MTR: variants seen among roughly 807,000 people sequenced by gnomAD.
MTR encodes 5-methyltetrahydrofolate-homocysteine methyltransferase, also known as methionine synthase.
A neutral mutation model predicts 154.8 loss-of-function variants in MTR; 84 were observed. The observed-to-expected ratio is 0.54, with a 90% CI of 0.45 to 0.65. The LOEUF is 0.65. MTR is among the 30% of genes least tolerant of loss of function. The pLI is 0.00. For synonymous variants in MTR, 554 were observed against 553.9 expected (o/e 1.00, Z 0.00); for missense variants, 1,275 against 1,570.2 (o/e 0.81, Z 3.18).
chr1:236,808,648 T>C, intron 3 of MTR, 56 bp from the exon 4 acceptor site: 1 of 1,511,802 alleles, frequency 6.6e-7, no homozygotes, highest in Non-Finnish European at 9.2e-7. Context: ...ATGAATCCAT[T>C]ATTTATTGTG....
At chr1:236,862,544 T>A (rs1664603636) in intron 21 of MTR, among the ~76,000 whole-genome samples, 1 of 152,214 alleles carries the variant, frequency 6.6e-6, no homozygotes, top group South Asian at 2.1e-4. Context: ...TATAACATTT[T>A]TAATATAGAT....
At chr1:236,860,983 C>T in intron 19 of MTR, 142 bp from the exon 20 acceptor site, 3 of 671,478 alleles carry the variant, frequency 4.5e-6, no homozygotes, top group Non-Finnish European at 2.5e-6. Context: ...GATAGGAAGC[C>T]AGATTGAGTC....
At chr1:236,896,751 GGAGTGTA>G in intron 31 of MTR, among the ~76,000 whole-genome samples, 1 of 152,246 alleles carries the variant, frequency 6.6e-6, no homozygotes, top group South Asian at 2.1e-4. Flanking sequence ...GCTGGAGGTG[GGAGTGTA>G]GAGTCTTTCC....
intron 16 of MTR, among the ~76,000 whole-genome samples, chr1:236,850,724 C>T (rs1663848312): frequency 1.3e-5 from 2 of 152,062 alleles, no homozygotes; most frequent in Non-Finnish European, 2.9e-5. Context: ...GACTGGAGAA[C>T]ATAACAGAGC....
intron 22 of MTR, 128 bp downstream of exon 22, chr1:236,863,682 CT>C: frequency 1.2e-6 from 1 of 840,762 alleles, no homozygotes; most frequent in Non-Finnish European, 2.0e-6. Context: ...TTTTTTATTT[CT>C]TTTTGCTTGC....
In MTR at chr1:236,897,308, A is replaced by ACG. The variant is rs1553331060; in HGVS notation, c.3711+192_3711+193dup. Among the ~76,000 whole-genome samples the ACG allele has an allele frequency of 1.0e-2, 1,309 of 131,532 alleles. 20 individuals carry two copies. The highest frequency in any genetic ancestry group is 0.034 in the African/African-American group (1,143 of 33,658). 86.3% of individuals were successfully genotyped at this position (131,532 alleles called of 152,430 possible). A position where few individuals can be genotyped will look rare whatever the true frequency, so the allele number is the denominator to read the frequency against. On this transcript the variant is annotated intron_variant, in intron 32 of 32. Transcript: ENST00000366577. ...TCACTTCTACATGCAAGCCACACAC[A>ACG]CGCACACACACACACACACACACAC...
At chr1:236,809,596 A>G (rs532139243) in intron 4 of MTR, among the ~76,000 whole-genome samples, 72 of 152,364 alleles carry the variant, frequency 4.7e-4, no homozygotes, top group African/African-American at 1.7e-3. Context: ...AGGTCAGAGG[A>G]CACTGAACCA....
Position 236,891,979 on chromosome 1 carries a change from C to T in MTR, c.3204+650C>T, listed in dbSNP as rs551756979. On this transcript the variant is annotated intron_variant, in intron 29 of 32. Coordinates refer to ENST00000366577, the MANE Select transcript of MTR (RefSeq NM_000254.3). ...TGCTGGCTTTTTTTCTTTCGAGTGA[C>T]GAGAACAGACTCTTCTCAGCAACTT... Among the ~76,000 whole-genome samples the T allele has an allele frequency of 5.9e-5, 9 of 152,156 alleles. No individual in the cohort carries two copies. In the South Asian group the frequency reaches 1.0e-3, roughly 18 times the overall value.
intron 16 of MTR, among the ~76,000 whole-genome samples, chr1:236,852,275 G>A (rs1572264986): frequency 1.4e-5 from 2 of 141,586 alleles, no homozygotes; most frequent in African/African-American, 2.6e-5. Context: ...GTGTGTGTGT[G>A]TACGCGCGTG....
At position 236,835,444 on chromosome 1, in the gene MTR, G is replaced by A. The variant is rs1317259089; in HGVS notation, c.1189-103G>A. The stretch of plus-strand genomic sequence containing the variant: ...GTCAGGGAGTCTGGCGAGGTAGTCT[G>A]TGTAATTTGAAGGATTGCTGGGAAG... On this transcript the variant is annotated intron_variant, in intron 13 of 32. Coordinates refer to ENST00000366577, the MANE Select transcript of MTR (RefSeq NM_000254.3). The A allele has an allele frequency of 7.0e-6, 10 of 1,434,252 alleles. No individual in the cohort carries two copies. The East Asian group carries it at 1.8e-4, about 26-fold the overall frequency. The allele number at this position is 1,434,252 out of a possible 1,614,324, so 88.8% of individuals were successfully genotyped here.
In MTR at chr1:236,889,148, G is replaced by T. The variant is rs200156490; in HGVS notation, c.2852-33G>T. 2.2e-5 allele frequency: 35 copies of T among 1,613,688 alleles called. No homozygotes were observed. The East Asian group carries it at 7.1e-4, about 33-fold the overall frequency. On this transcript the variant is annotated intron_variant, in intron 27 of 32. Coordinates refer to ENST00000366577, the MANE Select transcript of MTR (RefSeq NM_000254.3). ...GGCCTCCATCAGGCAGGGTGCCAGC[G>T]TCAGCATTGACAACCATACTTCTCT...
At chr1:236,891,531 G>T (rs1347182773) in intron 29 of MTR, among the ~76,000 whole-genome samples, 1 of 152,158 alleles carries the variant, frequency 6.6e-6, no homozygotes, top group Admixed American at 6.5e-5. Flanking sequence ...GGTGTCAGAG[G>T]CAGGACCACT....
intron 24 of MTR, among the ~76,000 whole-genome samples, chr1:236,879,433 CAT>C (rs1316958487): frequency 2.0e-5 from 3 of 152,164 alleles, no homozygotes; most frequent in African/African-American, 4.8e-5. Context: ...ATATTCCAAA[CAT>C]ATGTTTTTGT....
intron 25 of MTR, among the ~76,000 whole-genome samples, chr1:236,881,393 A>C (rs1042351311): frequency 6.6e-6 from 1 of 152,102 alleles, no homozygotes; most frequent in African/African-American, 2.4e-5. Flanking sequence ...TCACTGAATA[A>C]TGGGATATAA....
chr1:236,897,065 T>C lies in MTR; in HGVS notation c.3658T>C (p.Phe1220Leu). ...TGCTTCAGCAGTCTCAGGCCTCTAC[T>C]TCTCCAATTTGAAGTCCAAATATTT... ...APASAVSGLY[F>L]SNLKSKYFAV... is the part of the protein sequence containing the mutation. The change falls in exon 32 of 33, where the codon TTC (phenylalanine) becomes CTC (leucine). Residue 1220 changes from phenylalanine to leucine, a missense_variant. Coordinates refer to ENST00000366577, the MANE Select transcript of MTR (RefSeq NM_000254.3). 2 of 1,614,176 alleles carry C rather than the reference T, an allele frequency of 1.2e-6. No individual in the cohort carries two copies. Among genetic ancestry groups the C allele is most frequent in the Non-Finnish European group, 1.7e-6 (2 of 1,180,018 alleles).
chr1:236,847,604 C>T (rs570297439), intron 15 of MTR, among the ~76,000 whole-genome samples: 2 of 152,280 alleles, frequency 1.3e-5, no homozygotes, highest in East Asian at 3.9e-4. Flanking sequence ...CTGAGTTTTT[C>T]TTCTACTCCA....
rs901624742 is a variant in MTR at position 236,821,063 on chromosome 1, G to A, written c.765-3056G>A. On this transcript the variant is annotated intron_variant, in intron 8 of 32. Transcript: ENST00000366577. The stretch of plus-strand genomic sequence containing the variant: ...AGTCTGTCATATTCTACTTTCTATC[G>A]CTATAACAGAATACCTGAGATGGTA... Among the ~76,000 whole-genome samples, 5 of 152,060 alleles carry A rather than the reference G, an allele frequency of 3.3e-5. No individual in the cohort carries two copies. In the East Asian group the frequency reaches 5.8e-4, roughly 18 times the overall value.
intron 8 of MTR, among the ~76,000 whole-genome samples, chr1:236,817,477 G>T (rs538221117): frequency 6.6e-6 from 1 of 152,326 alleles, no homozygotes; most frequent in Non-Finnish European, 1.5e-5. Context: ...ATAGACATTT[G>T]TTGAGAGTTT....
rs915294412 is a variant in MTR, at chr1:236,897,874, G to A, written c.*230G>A. On this transcript the variant is annotated 3_prime_UTR_variant, in exon 33 of 33. Coordinates refer to ENST00000366577, the MANE Select transcript of MTR (RefSeq NM_000254.3). ...GACCTTGCGTGAAGAGCAGTGAGCA[G>A]GGTTCCTGTGGTTTCCCTGGTCCCT... 3 of 550,362 alleles carry A rather than the reference G, an allele frequency of 5.5e-6. No individual in the cohort carries two copies. The highest frequency in any genetic ancestry group is 3.8e-5 in the African/African-American group (2 of 52,780). The allele number at this position is 550,362 out of a possible 1,614,324, so 34.1% of individuals were successfully genotyped here.
Sources: allele counts gnomAD v4.1 joint callset (sites outside exome capture counted in the v4.1 genomes callset), GRCh38; gene constraint gnomAD v4.1.1; transcripts MANE v1.5; gene names NCBI Gene and HGNC (gene_info 2026-07-23, HGNC 2026-07-21).